The following SOX5 variants were observed in gnomAD, a reference collection of about 807,000 sequenced individuals.
The protein encoded by SOX5 is transcription factor SOX-5.
In SOX5, 9 loss-of-function variants were observed where a neutral mutation model predicts 92.0. The ratio of observed to expected loss-of-function variants is 0.10; its 90% CI spans 0.06 to 0.17. The LOEUF (loss-of-function observed/expected upper bound fraction) is 0.17. Among genes scored for constraint, SOX5 ranks in the 10% least tolerant of loss-of-function variants. SOX5 has a pLI of 1.00. For synonymous variants in SOX5, 344 were observed against 336.3 expected, an observed-to-expected ratio of 1.02 and a Z score of -0.25; for missense variants, 642 against 944.5, an observed-to-expected ratio of 0.68 and a Z score of 4.20.
chr12:24,110,466 G>A (rs1258485938), intron 4 of SOX5, among the ~76,000 whole-genome samples: 1 of 152,204 alleles, frequency 6.6e-6, no homozygotes, highest in Non-Finnish European at 1.5e-5. Flanking sequence ...GATCTGGGAA[G>A]AGACAATAAC....
intron 3 of SOX5, among the ~76,000 whole-genome samples, chr12:23,829,708 A>G (rs1462642350): frequency 6.6e-6 from 1 of 152,210 alleles, no homozygotes; most frequent in Non-Finnish European, 1.5e-5. Flanking sequence ...AATGACTTAC[A>G]TAGACCTGAT....
chr12:23,544,543 A>T (rs1942755057), intron 12 of SOX5, among the ~76,000 whole-genome samples: 1 of 152,186 alleles, frequency 6.6e-6, no homozygotes, highest in Non-Finnish European at 1.5e-5. Flanking sequence ...ATCAAACAAA[A>T]TTGCCCAAAC....
Position 23,734,898 on chromosome 12 carries a change from C to A in SOX5, c.742-146G>T, listed in dbSNP as rs993107864. On this transcript the variant is annotated intron_variant, in intron 5 of 14. Transcript: ENST00000451604. ...CTGTGCTCCTAAATTATCAGCAATT[C>A]ATCCTAAATAAGATCAAGGAAGATA... The A allele has an allele frequency of 2.1e-5, 13 of 606,628 alleles. No individual in the cohort carries two copies. In the African/African-American group the frequency reaches 2.2e-4, roughly 10 times the overall value. 37.6% of individuals were successfully genotyped at this position (606,628 alleles called of 1,614,324 possible).
chr12:24,025,961 C>A (rs185858012), intron 4 of SOX5, among the ~76,000 whole-genome samples: 3 of 152,000 alleles, frequency 2.0e-5, no homozygotes, highest in African/African-American at 7.2e-5. Flanking sequence ...TAATCCACAC[C>A]CCTACAATAG....
At chr12:24,105,290 C>A (rs1356878683) in intron 4 of SOX5, among the ~76,000 whole-genome samples, 4 of 151,966 alleles carry the variant, frequency 2.6e-5, no homozygotes, top group Non-Finnish European at 5.9e-5. Flanking sequence ...CCTGTAATCC[C>A]AGCATTTTGG....
intron 4 of SOX5, among the ~76,000 whole-genome samples, chr12:24,102,983 G>A (rs1946262514): frequency 6.6e-6 from 1 of 152,204 alleles, no homozygotes; most frequent in South Asian, 2.1e-4. Flanking sequence ...CAGTTTTGAG[G>A]TGGTAAAATG....
chr12:24,394,574 A>G (rs1046899558), intron 1 of SOX5, among the ~76,000 whole-genome samples: 1 of 152,174 alleles, frequency 6.6e-6, no homozygotes, highest in Admixed American at 6.5e-5. Context: ...TCTCTGCTCT[A>G]AGCATTGGGT....
intron 2 of SOX5, among the ~76,000 whole-genome samples, chr12:24,296,837 T>C (rs1438954518): frequency 9.9e-6 from 1 of 101,438 alleles, no homozygotes; most frequent in South Asian, 3.1e-4. Context: ...AAAAAAAAAG[T>C]AGTTTGAAAA....
intron 3 of SOX5, among the ~76,000 whole-genome samples, chr12:23,811,783 G>A (rs2095879376): frequency 6.6e-6 from 1 of 152,042 alleles, no homozygotes; most frequent in Non-Finnish European, 1.5e-5. Flanking sequence ...TAGGCACACA[G>A]TACTTCCAGT....
intron 1 of SOX5, among the ~76,000 whole-genome samples, chr12:24,411,991 G>A (rs1964182030): frequency 6.6e-6 from 1 of 152,022 alleles, no homozygotes; most frequent in South Asian, 2.1e-4. Context: ...ATTTAATTAT[G>A]GGTGAGTTGC....
chr12:24,165,687 A>G (rs953016637), intron 4 of SOX5, among the ~76,000 whole-genome samples: 3 of 152,172 alleles, frequency 2.0e-5, no homozygotes, highest in Non-Finnish European at 2.9e-5. Flanking sequence ...GCAGAAATAC[A>G]TAGGAAAAGA....
chr12:24,412,956 C>T (rs917590338), intron 1 of SOX5, among the ~76,000 whole-genome samples: 6 of 151,980 alleles, frequency 3.9e-5, no homozygotes, highest in East Asian at 1.9e-4. Flanking sequence ...AGGGTTTCAC[C>T]GTGTTAGCCA....
At chr12:24,553,756 G>C (rs1315131126) in intron 1 of SOX5, among the ~76,000 whole-genome samples, 1 of 152,268 alleles carries the variant, frequency 6.6e-6, no homozygotes, top group Non-Finnish European at 1.5e-5. Context: ...AGCCAGCAAG[G>C]AGTGATAGGT....
At chr12:24,046,977 G>A (rs556585939) in intron 4 of SOX5, among the ~76,000 whole-genome samples, 6 of 152,104 alleles carry the variant, frequency 3.9e-5, no homozygotes, top group South Asian at 2.1e-4. Context: ...GTGAGCCACC[G>A]CTCCCGGCCC....
At chr12:24,119,264 C>G (rs578142549) in intron 4 of SOX5, among the ~76,000 whole-genome samples, 1 of 151,936 alleles carries the variant, frequency 6.6e-6, no homozygotes, top group Non-Finnish European at 1.5e-5. Context: ...ATCTTCAGAG[C>G]GAACAAAACA....
intron 7 of SOX5, among the ~76,000 whole-genome samples, chr12:23,663,257 A>G (rs1490626776): frequency 6.6e-6 from 1 of 152,088 alleles, no homozygotes; most frequent in Non-Finnish European, 1.5e-5. Flanking sequence ...TTTCTGTTTT[A>G]TTTCCAAGGT....
At chr12:23,782,625 T>C (rs1421894809) in intron 3 of SOX5, among the ~76,000 whole-genome samples, 1 of 152,170 alleles carries the variant, frequency 6.6e-6, no homozygotes, top group Non-Finnish European at 1.5e-5. Flanking sequence ...GTGCATTTAC[T>C]ACAAATAACA....
At chr12:24,188,469 T>C (rs550853654) in intron 4 of SOX5, among the ~76,000 whole-genome samples, 1 of 152,282 alleles carries the variant, frequency 6.6e-6, no homozygotes, top group South Asian at 2.1e-4. Flanking sequence ...AAGGCATTAT[T>C]TCCTAAAACA....
chr12:23,668,360 T>C (rs1300241623), intron 6 of SOX5, among the ~76,000 whole-genome samples: 2 of 152,200 alleles, frequency 1.3e-5, no homozygotes, highest in Non-Finnish European at 2.9e-5. Flanking sequence ...TAATTCAGTG[T>C]TCATAGCAAC....
Sources: gnomAD v4.1 joint callset for allele counts (sites outside exome capture counted in the v4.1 genomes callset) on GRCh38, gnomAD v4.1.1 for gene constraint, MANE v1.5 for transcripts, NCBI Gene and HGNC (gene_info 2026-07-23, HGNC 2026-07-21) for gene names.